Variants in CYRIA observed in about 807,000 individuals in gnomAD.
The protein encoded by CYRIA is CYFIP-related Rac1 interactor A.
CYRIA carries 15 observed loss-of-function variants against 43.9 expected under a neutral mutation model. The ratio of observed to expected loss-of-function variants is 0.34; its 90% CI spans 0.23 to 0.53. The LOEUF (loss-of-function observed/expected upper bound fraction) is 0.53. CYRIA is among the 20% of genes least tolerant of loss of function. CYRIA has a pLI of 0.94. For synonymous variants in CYRIA, 117 were observed against 136.0 expected (o/e 0.86, Z 0.97); for missense variants, 236 against 394.2 (o/e 0.60, Z 3.40).
At chr2:16,623,508 A>G (rs555344591) in intron 2 of CYRIA, among the ~76,000 whole-genome samples, 1 of 152,208 alleles carries the variant, frequency 6.6e-6, no homozygotes, top group Non-Finnish European at 1.5e-5. Flanking sequence ...TCTAAATTCC[A>G]TCTCAGATTG....
intron 1 of CYRIA, among the ~76,000 whole-genome samples, chr2:16,656,892 G>A (rs191113520): frequency 6.6e-6 from 1 of 152,120 alleles, no homozygotes; most frequent in African/African-American, 2.4e-5. Flanking sequence ...ATACATCTGA[G>A]GCAACCAGCC....
intron 1 of CYRIA, among the ~76,000 whole-genome samples, chr2:16,637,843 G>C (rs764601748): frequency 3.9e-5 from 6 of 152,304 alleles, no homozygotes; most frequent in Non-Finnish European, 7.3e-5. Context: ...GGTCCAGAGT[G>C]CTCAGGTGAA....
At chr2:16,646,521 T>C (rs1414998730) in intron 1 of CYRIA, among the ~76,000 whole-genome samples, 2 of 152,210 alleles carry the variant, frequency 1.3e-5, no homozygotes, top group East Asian at 3.9e-4. Context: ...CAGGCCTCCC[T>C]GCAAGACCAG....
Position 16,565,698 on chromosome 2 carries a change from C to T in CYRIA, c.140G>A (p.Ser47Asn), listed in dbSNP as rs1666903839. ...QISAVLQDSE[S>N]ILADLQAYKG... ...GTAAGCCTGCAGGTCTGCAAGGATGCTCTCAGAATCCTGAAGGACGGCGCT... is the reference window on the plus strand; with the variant it reads ...GTAAGCCTGCAGGTCTGCAAGGATGTTCTCAGAATCCTGAAGGACGGCGCT... Residue 47 changes from serine to asparagine, a missense_variant, in exon 4 of 12, where the codon AGC becomes AAC. Ser to Asn is a conservative substitution (Grantham distance 46). Transcript: ENST00000381323. The T allele has an allele frequency of 6.3e-7, 1 of 1,594,692 alleles. No homozygotes were observed. Among genetic ancestry groups the T allele is most frequent in the Non-Finnish European group, 8.6e-7 (1 of 1,165,054 alleles).
chr2:16,618,780 C>A (rs993060069), intron 2 of CYRIA, among the ~76,000 whole-genome samples: 3 of 152,160 alleles, frequency 2.0e-5, no homozygotes, highest in African/African-American at 4.8e-5. Flanking sequence ...AGCATGTGAG[C>A]GGACCCCCGA....
intron 1 of CYRIA, among the ~76,000 whole-genome samples, chr2:16,626,185 T>C (rs1196421464): frequency 6.6e-6 from 1 of 152,084 alleles, no homozygotes; most frequent in African/African-American, 2.4e-5. Context: ...CTAATGCTAA[T>C]ACTATTCATA....
chr2:16,654,420 A>G (rs1670049578), intron 1 of CYRIA, among the ~76,000 whole-genome samples: 1 of 152,212 alleles, frequency 6.6e-6, no homozygotes, highest in African/African-American at 2.4e-5. Flanking sequence ...GGAAAAAGGC[A>G]AAGAAATCAA....
At chr2:16,606,687 T>C (rs180813981) in intron 2 of CYRIA, among the ~76,000 whole-genome samples, 2 of 152,284 alleles carry the variant, frequency 1.3e-5, no homozygotes, top group African/African-American at 2.4e-5. Context: ...AAATACAACC[T>C]ATCAGGTCAA....
chr2:16,553,496 G>A (rs1325157349), intron 11 of CYRIA, among the ~76,000 whole-genome samples: 3 of 152,136 alleles, frequency 2.0e-5, no homozygotes, highest in Admixed American at 6.5e-5. Flanking sequence ...ATAGCCGGGT[G>A]TAGAAATCAT....
intron 3 of CYRIA, among the ~76,000 whole-genome samples, chr2:16,576,181 G>C (rs1314770652): frequency 6.6e-6 from 1 of 152,138 alleles, no homozygotes; most frequent in Non-Finnish European, 1.5e-5. Context: ...CTGTCCTCAA[G>C]GACCTTAGGA....
intron 2 of CYRIA, among the ~76,000 whole-genome samples, chr2:16,592,911 A>C (rs1667978831): frequency 6.6e-6 from 1 of 152,318 alleles, no homozygotes; most frequent in Non-Finnish European, 1.5e-5. Flanking sequence ...CATGAATAGG[A>C]TCATAGAAAA....
rs755991673 is a variant in CYRIA, at chr2:16,550,916, C to T, written c.*2020G>A. ...AACATGTGACTGCCAAATAGGATAT[C>T]TCTTAAGATGAATATCTCCTAACTT... is the stretch of plus-strand genomic sequence containing the variant. On this transcript the variant is annotated 3_prime_UTR_variant, in exon 12 of 12. Transcript: ENST00000381323. 6.6e-6 allele frequency: 1 copy of T among 152,128 alleles called. No individual in the cohort carries two copies. The highest frequency in any genetic ancestry group is 1.5e-5 in the Non-Finnish European group (1 of 68,016). The allele number at this position is 152,128 out of a possible 1,614,324, so 9.4% of individuals were successfully genotyped here.
chr2:16,588,797 G>A (rs753962575), intron 2 of CYRIA, among the ~76,000 whole-genome samples: 10 of 152,114 alleles, frequency 6.6e-5, no homozygotes, highest in Non-Finnish European at 1.5e-4. Context: ...CTTGTGATCT[G>A]ACATTCCAAT....
At chr2:16,635,393 G>A (rs1669464739) in intron 1 of CYRIA, among the ~76,000 whole-genome samples, 1 of 152,208 alleles carries the variant, frequency 6.6e-6, no homozygotes, top group Non-Finnish European at 1.5e-5. Flanking sequence ...GAGGGCAGTG[G>A]TGTAAAACAT....
chr2:16,551,167 C>T lies in CYRIA; in HGVS notation c.*1769G>A, dbSNP rs1435018701. 1 of 152,150 alleles carries T rather than the reference C, an allele frequency of 6.6e-6. No homozygotes were observed. Among genetic ancestry groups the T allele is most frequent in the Non-Finnish European group, 1.5e-5 (1 of 68,020 alleles). The allele number at this position is 152,150 out of a possible 1,614,324, so 9.4% of individuals were successfully genotyped here. A position where few individuals can be genotyped will look rare whatever the true frequency, so the allele number is the denominator to read the frequency against. On this transcript the variant is annotated 3_prime_UTR_variant, in exon 12 of 12. Coordinates refer to ENST00000381323, the MANE Select transcript of CYRIA (RefSeq NM_030797.4). ...GAATCTTTCCTGTCACTTGGCTGAACTCCCTTGCTAAAACAACATAAGACA... is the reference window on the plus strand; with the variant it reads ...GAATCTTTCCTGTCACTTGGCTGAATTCCCTTGCTAAAACAACATAAGACA...
intron 9 of CYRIA, chr2:16,560,738 C>T: frequency 1.9e-6 from 1 of 521,950 alleles, no homozygotes; most frequent in Non-Finnish European, 3.5e-6. Context: ...GTGATCTGAG[C>T]CTTGGTTCTG....
intron 10 of CYRIA, among the ~76,000 whole-genome samples, chr2:16,556,199 T>G (rs1666513894): frequency 6.6e-6 from 1 of 152,130 alleles, no homozygotes. Context: ...TACGGCCTGA[T>G]AGACCCTGAT....
chr2:16,626,247 C>A (rs764568384), intron 1 of CYRIA, among the ~76,000 whole-genome samples: 39 of 152,168 alleles, frequency 2.6e-4, no homozygotes, highest in Non-Finnish European at 5.0e-4. Flanking sequence ...TAAGCCATCA[C>A]ATACTGGTTC....
At chr2:16,643,694 C>T (rs1387097589) in intron 1 of CYRIA, among the ~76,000 whole-genome samples, 2 of 152,194 alleles carry the variant, frequency 1.3e-5, no homozygotes, top group Non-Finnish European at 2.9e-5. Context: ...CTGCAGGCTT[C>T]CAGGGCCAGG....
Sources: allele counts gnomAD v4.1 joint callset (sites outside exome capture counted in the v4.1 genomes callset), GRCh38; gene constraint gnomAD v4.1.1; transcripts MANE v1.5; gene names NCBI Gene and HGNC (gene_info 2026-07-23, HGNC 2026-07-21).